GBE1: variants seen among roughly 807,000 people sequenced by gnomAD.
GBE1 encodes the protein 1,4-alpha-glucan branching enzyme 1, also known as 1,4-alpha-glucan-branching enzyme.
A neutral mutation model predicts 88.8 loss-of-function variants in GBE1; 70 were observed. That is an observed-to-expected ratio of 0.79 (90% CI 0.65 to 0.96). The LOEUF (loss-of-function observed/expected upper bound fraction) is 0.96. Among genes scored for constraint, GBE1 ranks in the 40% least tolerant of loss-of-function variants. The pLI, the probability that GBE1 is intolerant of heterozygous loss-of-function variation, is 0.00. For missense variants in GBE1, 872 were observed against 871.0 expected (o/e 1.00, Z -0.01); for synonymous variants, 284 against 300.1 (o/e 0.95, Z 0.56).
chr3:81,705,463 AACT>A lies in GBE1; in HGVS notation c.291_293del (p.Val98del). ...ACTTACTAAAATCTCCAGTAAGAAAAACTCCTTCTGCTCCCGGGGCCCATTCTT... is the reference window on the plus strand; with the variant it reads ...ACTTACTAAAATCTCCAGTAAGAAAACCTTCTGCTCCCGGGGCCCATTCTT... On this transcript the variant is annotated inframe_deletion, in exon 2 of 16. Transcript: ENST00000429644. 1 of 1,590,032 alleles carries A rather than the reference AACT, an allele frequency of 6.3e-7. No individual in the cohort carries two copies.
chr3:81,722,580 T>G (rs1706048917), intron 1 of GBE1, among the ~76,000 whole-genome samples: 1 of 151,896 alleles, frequency 6.6e-6, no homozygotes, highest in Non-Finnish European at 1.5e-5. Flanking sequence ...AATTGTCTAC[T>G]TTAAGAAAAG....
chr3:81,652,549 C>T (rs866954576), intron 3 of GBE1, among the ~76,000 whole-genome samples: 9 of 152,084 alleles, frequency 5.9e-5, no homozygotes, highest in Non-Finnish European at 1.2e-4. Context: ...GGAATTGCAA[C>T]CAACTGTTAA....
chr3:81,527,828 A>T (rs529733133), intron 14 of GBE1, among the ~76,000 whole-genome samples: 2 of 152,246 alleles, frequency 1.3e-5, no homozygotes, highest in Admixed American at 1.3e-4. Context: ...AGGCATCTAG[A>T]ATGAGAAATA....
At chr3:81,656,126 G>A (rs1297110158) in intron 3 of GBE1, among the ~76,000 whole-genome samples, 1 of 152,130 alleles carries the variant, frequency 6.6e-6, no homozygotes, top group Non-Finnish European at 1.5e-5. Context: ...ATTGTGTGAG[G>A]CTGAAAATGG....
chr3:81,621,669 C>T (rs768797974), intron 7 of GBE1, among the ~76,000 whole-genome samples: 14 of 152,138 alleles, frequency 9.2e-5, no homozygotes, highest in South Asian at 6.2e-4. Context: ...GTCTATTACC[C>T]GAATCATTCC....
At chr3:81,585,475 C>T (rs1235836671) in intron 10 of GBE1, among the ~76,000 whole-genome samples, 2 of 151,672 alleles carry the variant, frequency 1.3e-5, no homozygotes, top group African/African-American at 4.8e-5. Context: ...CCTAAGTCTA[C>T]ATAATGACTT....
chr3:81,689,688 C>T (rs1705490875), intron 2 of GBE1, among the ~76,000 whole-genome samples: 1 of 152,188 alleles, frequency 6.6e-6, no homozygotes, highest in Admixed American at 6.5e-5. Flanking sequence ...TTGAACTAAG[C>T]CTCTTCCAGC....
Position 81,496,565 on chromosome 3 carries a change from A to G in GBE1, c.2052+2545T>C, listed in dbSNP as rs1050598887. Among the ~76,000 whole-genome samples, 13 of 152,208 alleles carry G rather than the reference A, an allele frequency of 8.5e-5. 1 individual carries two copies. Among genetic ancestry groups the G allele is most frequent in the Non-Finnish European group, 1.5e-5 (1 of 68,038 alleles). ...CTTTTAGTCTGCAAGTATGGGAGGTATGAGTGATCTCACTGGAAGTGGTAT... is the reference window on the plus strand; with the variant it reads ...CTTTTAGTCTGCAAGTATGGGAGGTGTGAGTGATCTCACTGGAAGTGGTAT... On this transcript the variant is annotated intron_variant, in intron 15 of 15. Transcript: ENST00000429644.
chr3:81,511,213 C>G (rs1455818309), intron 14 of GBE1, among the ~76,000 whole-genome samples: 1 of 151,956 alleles, frequency 6.6e-6, no homozygotes, highest in Non-Finnish European at 1.5e-5. Context: ...AGAACTCAAA[C>G]TATAAAAACC....
intron 14 of GBE1, among the ~76,000 whole-genome samples, chr3:81,524,640 T>A (rs187901387): frequency 1.3e-5 from 2 of 152,114 alleles, no homozygotes; most frequent in East Asian, 3.9e-4. Context: ...TATCCAGTTT[T>A]CCCAGCACCG....
intron 1 of GBE1, chr3:81,743,618 C>G: frequency 6.5e-7 from 1 of 1,534,486 alleles, no homozygotes; most frequent in Non-Finnish European, 8.7e-7. Flanking sequence ...TGGGCCGAAT[C>G]CAAGTGAAAT....
intron 2 of GBE1, among the ~76,000 whole-genome samples, chr3:81,671,288 G>C (rs1286603546): frequency 6.6e-6 from 1 of 151,968 alleles, no homozygotes; most frequent in East Asian, 1.9e-4. Context: ...CATCAACAAA[G>C]AGACATATTA....
intron 1 of GBE1, among the ~76,000 whole-genome samples, chr3:81,751,866 C>G (rs143449076): frequency 2.4e-4 from 37 of 152,228 alleles, no homozygotes; most frequent in African/African-American, 8.7e-4. Context: ...TAAATATAAC[C>G]TGTGGCTAGG....
At chr3:81,723,695 G>A (rs1289658972) in intron 1 of GBE1, among the ~76,000 whole-genome samples, 2 of 152,048 alleles carry the variant, frequency 1.3e-5, no homozygotes, top group Admixed American at 1.3e-4. Flanking sequence ...AAAAGTAGTG[G>A]CACTGAAGCA....
At chr3:81,634,525 C>T (rs1352440585) in intron 7 of GBE1, among the ~76,000 whole-genome samples, 4 of 151,930 alleles carry the variant, frequency 2.6e-5, no homozygotes, top group South Asian at 2.1e-4. Context: ...TCAGTACTAA[C>T]GAACAGGAAT....
At chr3:81,670,811 A>G in intron 3 of GBE1, 27 bp downstream of exon 3, 1 of 1,254,598 alleles carries the variant, frequency 8.0e-7, no homozygotes, top group African/African-American at 1.6e-5. Flanking sequence ...TGATAAGTTC[A>G]AGAAAAAATA....
chr3:81,671,030 C>T, intron 2 of GBE1, 77 bp from the exon 3 acceptor site: 1 of 591,020 alleles, frequency 1.7e-6, no homozygotes, highest in Non-Finnish European at 2.8e-6. Flanking sequence ...AAACAAAATA[C>T]TGCTTTACTT....
In GBE1 at chr3:81,645,510, G is replaced by A. The variant is rs562556975; in HGVS notation, c.782+882C>T. Among the ~76,000 whole-genome samples the A allele has an allele frequency of 1.6e-4, 25 of 152,302 alleles. No homozygotes were observed. The South Asian group carries it at 5.2e-3, about 32-fold the overall frequency. ...AGCAACTTCAGTAAAGAGGCAGACC[G>A]CATACTTGGAGTGGGCTCAGGAAAG... On this transcript the variant is annotated intron_variant, in intron 6 of 15. Transcript: ENST00000429644.
intron 3 of GBE1, among the ~76,000 whole-genome samples, chr3:81,655,693 T>G (rs1363951745): frequency 6.6e-6 from 1 of 151,816 alleles, no homozygotes; most frequent in African/African-American, 2.4e-5. Context: ...CTTTCTGTAT[T>G]TTTTTTAGTA....
Sources: allele counts gnomAD v4.1 joint callset (sites outside exome capture counted in the v4.1 genomes callset), GRCh38; gene constraint gnomAD v4.1.1; transcripts MANE v1.5; gene names NCBI Gene and HGNC (gene_info 2026-07-23, HGNC 2026-07-21).